The following SIPA1L1 variants were observed in gnomAD, a reference collection of about 807,000 sequenced individuals.
SIPA1L1 encodes the protein signal-induced proliferation-associated 1-like protein 1.
Under a neutral mutation model 162.7 loss-of-function variants are expected in SIPA1L1, and 26 were observed. That is an observed-to-expected ratio of 0.16 (90% CI 0.12 to 0.22). The LOEUF (loss-of-function observed/expected upper bound fraction) is 0.22, where lower values mean the gene tolerates loss of function less well. SIPA1L1 is among the 10% of genes least tolerant of loss of function. The pLI is 1.00. For missense variants in SIPA1L1, 1,874 were observed against 2,241.0 expected, an observed-to-expected ratio of 0.84 and a Z score of 3.31; for synonymous variants, 829 against 837.4, an observed-to-expected ratio of 0.99 and a Z score of 0.17.
At chr14:71,542,565 CCTT>C (rs1277367937) in intron 4 of SIPA1L1, among the ~76,000 whole-genome samples, 179 of 141,592 alleles carry the variant, frequency 1.3e-3, no homozygotes, top group Non-Finnish European at 1.7e-3. Context: ...TCCTCTTCCT[CCTT>C]CTCTTCCTCC....
chr14:71,412,786 A>G (rs748050658), intron 2 of SIPA1L1, among the ~76,000 whole-genome samples: 18 of 152,176 alleles, frequency 1.2e-4, no homozygotes, highest in Non-Finnish European at 2.4e-4. Context: ...ATAGTGTTTA[A>G]AATTATTTAT....
At chr14:71,636,027 T>C (rs1006762225) in intron 7 of SIPA1L1, among the ~76,000 whole-genome samples, 1 of 151,912 alleles carries the variant, frequency 6.6e-6, no homozygotes, top group Non-Finnish European at 1.5e-5. Flanking sequence ...ATCCTAGGTA[T>C]ATGTGCATCA....
At chr14:71,724,017 AT>A in intron 18 of SIPA1L1, 131 bp downstream of exon 18, 1 of 978,222 alleles carries the variant, frequency 1.0e-6, no homozygotes, top group Non-Finnish European at 1.5e-6. Flanking sequence ...TGTTGGTGGG[AT>A]TATGATTTTT....
intron 8 of SIPA1L1, among the ~76,000 whole-genome samples, chr14:71,656,004 C>A (rs2043026639): frequency 4.6e-5 from 7 of 152,110 alleles, no homozygotes; most frequent in Admixed American, 4.6e-4. Flanking sequence ...CTATGAAGTG[C>A]ATAGTAATTT....
At chr14:71,352,502 A>G (rs971349143) in intron 2 of SIPA1L1, among the ~76,000 whole-genome samples, 8 of 152,186 alleles carry the variant, frequency 5.3e-5, no homozygotes, top group Admixed American at 5.2e-4. Flanking sequence ...TGTATAATAT[A>G]TTCTTTTGTT....
chr14:71,727,139 AG>A (rs1234637753), intron 19 of SIPA1L1, among the ~76,000 whole-genome samples: 1 of 152,114 alleles, frequency 6.6e-6, no homozygotes, highest in Non-Finnish European at 1.5e-5. Context: ...AAGCAGAGAT[AG>A]GATAACGTTA....
At chr14:71,616,363 G>A (rs2058623143) in intron 5 of SIPA1L1, among the ~76,000 whole-genome samples, 1 of 152,176 alleles carries the variant, frequency 6.6e-6, no homozygotes, top group African/African-American at 2.4e-5. Flanking sequence ...TGATAATTCT[G>A]AAGTGAGGAA....
chr14:71,327,483 C>G (rs941844149), intron 2 of SIPA1L1, among the ~76,000 whole-genome samples: 4 of 152,048 alleles, frequency 2.6e-5, no homozygotes, highest in African/African-American at 9.7e-5. Flanking sequence ...CTGTGGTATC[C>G]CATGTCTTCA....
At chr14:71,400,872 A>G (rs976638745) in intron 2 of SIPA1L1, 1 of 152,028 alleles carries the variant, frequency 6.6e-6, no homozygotes, top group African/African-American at 2.4e-5. Flanking sequence ...AGTGCATATC[A>G]CTTGATGGCT....
At position 71,468,583 on chromosome 14, in the gene SIPA1L1, A is replaced by G. The variant is rs113119846; in HGVS notation, c.-464-44160A>G. Among the ~76,000 whole-genome samples the G allele has an allele frequency of 3.3e-5, 5 of 152,314 alleles. No homozygotes were observed. In the South Asian group the frequency reaches 1.0e-3, roughly 32 times the overall value. On this transcript the variant is annotated intron_variant, in intron 2 of 23. Coordinates refer to ENST00000381232, the MANE Select transcript of SIPA1L1 (RefSeq NM_001386936.1). ...AGCCACTCATGGGTTTTAAGCTCCC[A>G]TGATCCAAACACCTCCCACCAGGCC...
chr14:71,397,463 T>C (rs1016746724), intron 2 of SIPA1L1, among the ~76,000 whole-genome samples: 7 of 152,006 alleles, frequency 4.6e-5, no homozygotes, highest in Admixed American at 3.9e-4. Context: ...ATTTTTCCTC[T>C]TTCAGGCTGT....
chr14:71,386,133 TC>T (rs2040303650), intron 2 of SIPA1L1, among the ~76,000 whole-genome samples: 1 of 152,188 alleles, frequency 6.6e-6, no homozygotes, highest in South Asian at 2.1e-4. Context: ...TAGTCAGGAT[TC>T]TCTAGGGGGA....
At chr14:71,323,479 A>T (rs1043383961) in intron 2 of SIPA1L1, among the ~76,000 whole-genome samples, 6 of 152,170 alleles carry the variant, frequency 3.9e-5, no homozygotes, top group African/African-American at 1.2e-4. Context: ...ATTGGTCCGT[A>T]TCAGTGCACA....
intron 2 of SIPA1L1, among the ~76,000 whole-genome samples, chr14:71,432,102 C>T (rs1209538320): frequency 6.6e-6 from 1 of 151,864 alleles, no homozygotes; most frequent in African/African-American, 2.4e-5. Flanking sequence ...GAGAAAGGAT[C>T]TTGTCTCTGT....
intron 2 of SIPA1L1, among the ~76,000 whole-genome samples, chr14:71,431,479 G>A (rs2043982939): frequency 6.6e-6 from 1 of 152,072 alleles, no homozygotes; most frequent in Admixed American, 6.6e-5. Context: ...AATCGCGTGA[G>A]TCCAGGAGTT....
At chr14:71,401,187 A>G (rs543943412) in intron 2 of SIPA1L1, among the ~76,000 whole-genome samples, 7 of 152,316 alleles carry the variant, frequency 4.6e-5, no homozygotes, top group African/African-American at 1.7e-4. Context: ...ATTACTGTTA[A>G]TCTGCTCAAA....
chr14:71,575,346 T>C (rs868002921), intron 4 of SIPA1L1, among the ~76,000 whole-genome samples: 1 of 152,222 alleles, frequency 6.6e-6, no homozygotes. Flanking sequence ...AGAATATGTA[T>C]ACTATGATGA....
At chr14:71,481,506 C>G (rs990367462) in intron 2 of SIPA1L1, among the ~76,000 whole-genome samples, 5 of 151,538 alleles carry the variant, frequency 3.3e-5, no homozygotes, top group Non-Finnish European at 5.9e-5. Context: ...AAACAAACAA[C>G]AACAACAACA....
At chr14:71,435,787 C>T (rs1452392480) in intron 2 of SIPA1L1, among the ~76,000 whole-genome samples, 1 of 152,204 alleles carries the variant, frequency 6.6e-6, no homozygotes, top group East Asian at 1.9e-4. Flanking sequence ...TTTACAGTCC[C>T]ACCAACAGTG....
Sources: allele counts gnomAD v4.1 joint callset (sites outside exome capture counted in the v4.1 genomes callset), GRCh38; gene constraint gnomAD v4.1.1; transcripts MANE v1.5; gene names NCBI Gene and HGNC (gene_info 2026-07-23, HGNC 2026-07-21).